The following AEN variants were observed in gnomAD, a reference collection of about 807,000 sequenced individuals.
The protein encoded by AEN is apoptosis enhancing nuclease, also known as apoptosis-enhancing nuclease.
In AEN, 21 loss-of-function variants were observed where a neutral mutation model predicts 17.7. The observed-to-expected ratio is 1.19, with a 90% CI of 0.84 to 1.71. The LOEUF is 1.71. Among genes scored for constraint, AEN ranks in the 40% most tolerant of loss-of-function variants. The pLI is 0.00. For synonymous variants in AEN, 190 were observed against 173.0 expected (o/e 1.10, Z -0.77); for missense variants, 462 against 435.9 (o/e 1.06, Z -0.53).
intron 1 of AEN, among the ~76,000 whole-genome samples, chr15:88,622,528 C>A (rs888152967): frequency 1.3e-5 from 2 of 152,102 alleles, no homozygotes; most frequent in Admixed American, 1.3e-4. Flanking sequence ...TAAGGACTCA[C>A]AACACTAAAG....
chr15:88,626,302 G>C lies in AEN; in HGVS notation c.93G>C (p.Lys31Asn). ...AGGATGTGCTTCGGAAGAGGCACAA[G>C]AGAAGGAGCCGACAGCACCAGCGGT... is the stretch of plus-strand genomic sequence containing the variant. ...NAKDVLRKRH[K>N]RRSRQHQRFM... Residue 31 changes from lysine to asparagine, a missense_variant, in exon 2 of 4, where the codon AAG becomes AAC. Coordinates refer to ENST00000332810, the MANE Select transcript of AEN (RefSeq NM_022767.4). 2 of 1,613,688 alleles carry C rather than the reference G, an allele frequency of 1.2e-6. No homozygotes were observed. Among genetic ancestry groups the C allele is most frequent in the Non-Finnish European group, 1.7e-6 (2 of 1,179,978 alleles).
At chr15:88,620,971 C>T (rs574129145), upstream of AEN, among the ~76,000 whole-genome samples, 16 of 146,488 alleles carry the variant, frequency 1.1e-4, no homozygotes, top group South Asian at 3.6e-3. Context: ...GGCCGATGTT[C>T]CCAATCTGCA....
the AEN span, among the ~76,000 whole-genome samples, chr15:88,614,618 C>T: frequency 6.6e-6 from 1 of 152,156 alleles, no homozygotes; most frequent in African/African-American, 2.4e-5. Context: ...TACGAAACAG[C>T]CTGATTTCCA....
the AEN span, among the ~76,000 whole-genome samples, chr15:88,609,397 A>T: frequency 1.3e-5 from 2 of 152,174 alleles, no homozygotes; most frequent in African/African-American, 4.8e-5. Context: ...TCCCCCTCCA[A>T]ATCAAAAGCT....
At chr15:88,608,891 C>T in the AEN span, among the ~76,000 whole-genome samples, 3 of 152,200 alleles carry the variant, frequency 2.0e-5, no homozygotes, top group Admixed American at 6.5e-5. Context: ...TCCTTTGTTG[C>T]ACTGGCAATG....
the AEN span, among the ~76,000 whole-genome samples, chr15:88,613,019 C>T: frequency 6.6e-6 from 1 of 152,142 alleles, no homozygotes. Flanking sequence ...AATCCAAATG[C>T]CCTCCCTATT....
At chr15:88,627,624 T>C (rs2057871606) in intron 2 of AEN, 1 of 152,184 alleles carries the variant, frequency 6.6e-6, no homozygotes. Context: ...GGAGAGTTCT[T>C]TGAAGTCAGA....
intron 1 of AEN, among the ~76,000 whole-genome samples, chr15:88,624,036 A>C (rs1445006418): frequency 6.6e-6 from 1 of 152,244 alleles, no homozygotes; most frequent in Non-Finnish European, 1.5e-5. Context: ...ACACAGATGT[A>C]GCCTCTTCCA....
At chr15:88,625,655 TAAAA>T (rs1460170390) in intron 1 of AEN, among the ~76,000 whole-genome samples, 2 of 152,208 alleles carry the variant, frequency 1.3e-5, no homozygotes, top group Admixed American at 6.5e-5. Context: ...AAGTATTTCT[TAAAA>T]AAGGCTATAC....
chr15:88,612,302 G>A, the AEN span, among the ~76,000 whole-genome samples: 6 of 152,256 alleles, frequency 3.9e-5, no homozygotes, highest in African/African-American at 9.6e-5. Flanking sequence ...TGCGGGCACC[G>A]AGAGGTATGC....
the AEN span, among the ~76,000 whole-genome samples, chr15:88,609,308 A>C: frequency 3.3e-5 from 5 of 152,186 alleles, no homozygotes; most frequent in East Asian, 1.9e-4. Context: ...CAAATGTTTG[A>C]ACTAAATCCT....
chr15:88,606,574 C>A, the AEN span, among the ~76,000 whole-genome samples: 7 of 152,130 alleles, frequency 4.6e-5, no homozygotes, highest in East Asian at 3.9e-4. Context: ...ACCAGGCAAC[C>A]AGTCGCAGCA....
chr15:88,606,188 A>T, the AEN span, among the ~76,000 whole-genome samples: 2 of 151,924 alleles, frequency 1.3e-5, no homozygotes, highest in African/African-American at 4.8e-5. Flanking sequence ...GCCACATTTA[A>T]ATCCTGCGCT....
chr15:88,605,545 C>T, the AEN span, among the ~76,000 whole-genome samples: 1 of 152,230 alleles, frequency 6.6e-6, no homozygotes, highest in African/African-American at 2.4e-5. This position sits in a 1 kb window ranked among gnomAD's most constrained non-coding sequence, Gnocchi z 7.6. Flanking sequence ...ACTGGGTAAT[C>T]GCCCCAGTGC....
In AEN at chr15:88,626,336, C is replaced by G. The variant is rs140301944; in HGVS notation, c.127C>G (p.Arg43Gly). The G allele has an allele frequency of 6.2e-7, 1 of 1,613,506 alleles. No individual in the cohort carries two copies. Among genetic ancestry groups the G allele is most frequent in the East Asian group, 2.2e-5 (1 of 44,862 alleles). Residue 43 changes from arginine (R) to glycine (G), a missense_variant, in exon 2 of 4, where the codon CGG (arginine) becomes GGG (glycine). Physicochemically the swap from Arg to Gly is moderately radical, Grantham distance 125. Transcript: ENST00000332810. ...RSRQHQRFMA[R>G]KALLQEQGLL... Reference sequence around the variant, plus strand: ...CCGACAGCACCAGCGGTTCATGGCCCGGAAGGCCTTGCTGCAGGAGCAGGG... The same window carrying G: ...CCGACAGCACCAGCGGTTCATGGCCGGGAAGGCCTTGCTGCAGGAGCAGGG...
intron 1 of AEN, among the ~76,000 whole-genome samples, chr15:88,625,258 A>T (rs543032269): frequency 2.5e-3 from 376 of 152,320 alleles, no homozygotes; most frequent in Non-Finnish European, 4.6e-3. Context: ...GGTGGCTCAT[A>T]CTTATAATCC....
chr15:88,606,655 C>G, the AEN span, among the ~76,000 whole-genome samples: 4 of 152,228 alleles, frequency 2.6e-5, no homozygotes, highest in African/African-American at 9.6e-5. Context: ...AGCACCTTGA[C>G]TATTTAAAAT....
the AEN span, among the ~76,000 whole-genome samples, chr15:88,605,317 C>T: frequency 1.3e-5 from 2 of 152,174 alleles, no homozygotes; most frequent in Non-Finnish European, 2.9e-5. This position sits in a 1 kb window ranked among gnomAD's most constrained non-coding sequence, Gnocchi z 7.6. Flanking sequence ...AGCCGGCTCT[C>T]GCAACCCAGC....
intron 1 of AEN, among the ~76,000 whole-genome samples, chr15:88,625,452 C>T (rs2057839102): frequency 2.0e-5 from 3 of 152,154 alleles, no homozygotes; most frequent in Admixed American, 2.0e-4. Flanking sequence ...CTGCAGTGAG[C>T]TGTGATCACG....
Sources: allele counts gnomAD v4.1 joint callset (sites outside exome capture counted in the v4.1 genomes callset), GRCh38; gene constraint gnomAD v4.1.1; non-coding constraint Gnocchi (gnomAD v3.1); transcripts MANE v1.5; gene names NCBI Gene and HGNC (gene_info 2026-07-23, HGNC 2026-07-21).